The following TMEM167A variants were observed in gnomAD, a reference collection of about 807,000 sequenced individuals.
The protein encoded by TMEM167A is transmembrane protein 167A, also known as protein kish-A.
In TMEM167A, 8 loss-of-function variants were observed where a neutral mutation model predicts 11.6. That is an observed-to-expected ratio of 0.69 (90% CI 0.40 to 1.24). The LOEUF (loss-of-function observed/expected upper bound fraction) is 1.24, where lower values mean the gene tolerates loss of function less well. Ranked by LOEUF, TMEM167A falls within the 50% of genes most tolerant of loss-of-function variation. The pLI is 0.01. For missense variants in TMEM167A, 62 were observed against 87.0 expected, an observed-to-expected ratio of 0.71 and a Z score of 1.14; for synonymous variants, 22 against 28.0, an observed-to-expected ratio of 0.79 and a Z score of 0.67.
rs1744287971 is a variant in TMEM167A, at chr5:83,053,494, A to G, written c.*3590T>C. ...CTGTATTCCTAGTCCAAAATAAGGT[A>G]GGCATGAATATATTCAACCTTCTTT... On this transcript the variant is annotated 3_prime_UTR_variant, in exon 4 of 4. Transcript: ENST00000502346. 6.6e-6 allele frequency: 1 copy of G among 152,036 alleles called. No individual in the cohort carries two copies. The highest frequency in any genetic ancestry group is 1.5e-5 in the Non-Finnish European group (1 of 67,948). 9.4% of individuals were successfully genotyped at this position (152,036 alleles called of 1,614,324 possible).
At chr5:83,074,450 A>G (rs1046074074) in intron 1 of TMEM167A, among the ~76,000 whole-genome samples, 2 of 152,248 alleles carry the variant, frequency 1.3e-5, no homozygotes, top group African/African-American at 4.8e-5. Flanking sequence ...AAGAGGAGAG[A>G]AAATACTTCA....
rs1339847337 is a variant in TMEM167A at position 83,053,130 on chromosome 5, T to C, written c.*3954A>G. Reference sequence around the variant, plus strand: ...TGTACAGCGTTCACAATGCTGGTATTAATCAGCTACATATTTTGAACATCT... The same window carrying C: ...TGTACAGCGTTCACAATGCTGGTATCAATCAGCTACATATTTTGAACATCT... On this transcript the variant is annotated 3_prime_UTR_variant, in exon 4 of 4. Transcript: ENST00000502346. 1 of 152,016 alleles carries C rather than the reference T, an allele frequency of 6.6e-6. No homozygotes were observed. The highest frequency in any genetic ancestry group is 1.9e-4 in the East Asian group (1 of 5,194). The allele number at this position is 152,016 out of a possible 1,614,324, so 9.4% of individuals were successfully genotyped here. A position where few individuals can be genotyped will look rare whatever the true frequency, so the allele number is the denominator to read the frequency against.
At chr5:83,074,894 C>T (rs1744615988) in intron 1 of TMEM167A, among the ~76,000 whole-genome samples, 1 of 152,148 alleles carries the variant, frequency 6.6e-6, no homozygotes, top group Non-Finnish European at 1.5e-5. Context: ...CCTCAGCCTC[C>T]CAAGTAGCTG....
chr5:83,059,426 C>T (rs969601332), intron 3 of TMEM167A, among the ~76,000 whole-genome samples: 1 of 150,078 alleles, frequency 6.7e-6, no homozygotes, highest in African/African-American at 2.5e-5. Context: ...GAGATGAAAA[C>T]GATGCCTCTT....
At chr5:83,065,149 A>G in intron 1 of TMEM167A, 32 bp from the exon 2 acceptor site, 1 of 1,389,392 alleles carries the variant, frequency 7.2e-7, no homozygotes, top group Non-Finnish European at 1.0e-6. Flanking sequence ...AAAAATTAAT[A>G]TCAAGAAAAA....
Position 83,054,978 on chromosome 5 carries a change from G to C in TMEM167A, c.*2106C>G, listed in dbSNP as rs1460069928. The stretch of plus-strand genomic sequence containing the variant: ...ACCACCTACACTGCCCCTTGGGTTA[G>C]AGAACAGGATTCCGTGGTCCTCTTT... On this transcript the variant is annotated 3_prime_UTR_variant, in exon 4 of 4. Transcript: ENST00000502346. The C allele has an allele frequency of 1.3e-5, 2 of 151,952 alleles. No homozygotes were observed. Among genetic ancestry groups the C allele is most frequent in the African/African-American group, 4.8e-5 (2 of 41,400 alleles). The allele number at this position is 151,952 out of a possible 1,614,324, so 9.4% of individuals were successfully genotyped here.
intron 3 of TMEM167A, among the ~76,000 whole-genome samples, chr5:83,059,659 C>G (rs1165359550): frequency 2.0e-5 from 3 of 152,016 alleles, no homozygotes; most frequent in Non-Finnish European, 4.4e-5. Context: ...AAGATTTCTC[C>G]TATTATTTCA....
chr5:83,058,134 C>T (rs968594596), intron 3 of TMEM167A, among the ~76,000 whole-genome samples: 1 of 152,010 alleles, frequency 6.6e-6, no homozygotes, highest in Non-Finnish European at 1.5e-5. Flanking sequence ...AATGAAACTC[C>T]TTATCCCACT....
At chr5:83,072,127 C>A (rs1744571591) in intron 1 of TMEM167A, among the ~76,000 whole-genome samples, 1 of 152,158 alleles carries the variant, frequency 6.6e-6, no homozygotes, top group Non-Finnish European at 1.5e-5. Context: ...ATTTTCATCT[C>A]ATTATCATGG....
At chr5:83,065,289 G>A in intron 1 of TMEM167A, among the ~76,000 whole-genome samples, 172 bp from the exon 2 acceptor site, 1 of 151,968 alleles carries the variant, frequency 6.6e-6, no homozygotes, top group Non-Finnish European at 1.5e-5. Context: ...CAGTCTTCAA[G>A]CTCTGCCAAT....
intron 3 of TMEM167A, among the ~76,000 whole-genome samples, chr5:83,060,537 A>G (rs1303121821): frequency 6.6e-6 from 1 of 151,912 alleles, no homozygotes; most frequent in East Asian, 1.9e-4. Flanking sequence ...ATTATTCAAG[A>G]ATACTGATGA....
intron 1 of TMEM167A, among the ~76,000 whole-genome samples, chr5:83,073,197 T>C (rs748905621): frequency 1.5e-4 from 23 of 152,180 alleles, no homozygotes; most frequent in Non-Finnish European, 2.6e-4. Context: ...TGTTTCTTCA[T>C]ATGAAAAATG....
At chr5:83,064,428 A>C (rs1744451237) in intron 2 of TMEM167A, 2 of 462,510 alleles carry the variant, frequency 4.3e-6, no homozygotes, top group Admixed American at 4.9e-5. Context: ...AAACACTTAA[A>C]TATCTTAGAT....
intron 1 of TMEM167A, among the ~76,000 whole-genome samples, chr5:83,066,302 G>C (rs1409790297): frequency 1.3e-5 from 2 of 152,020 alleles, no homozygotes; most frequent in African/African-American, 2.4e-5. Flanking sequence ...AAAAAAATCA[G>C]GAATGAAACA....
At chr5:83,071,898 T>C (rs140198170) in intron 1 of TMEM167A, among the ~76,000 whole-genome samples, 190 of 152,292 alleles carry the variant, frequency 1.2e-3, no homozygotes, top group African/African-American at 4.4e-3. Flanking sequence ...TGAATCAACA[T>C]CTCACATCTC....
intron 1 of TMEM167A, among the ~76,000 whole-genome samples, chr5:83,073,589 C>T (rs1185812126): frequency 6.6e-6 from 1 of 152,178 alleles, no homozygotes; most frequent in Non-Finnish European, 1.5e-5. Flanking sequence ...TCCCAGTAGC[C>T]TGGAGTATAG....
rs1276134063 is a variant in TMEM167A at position 83,076,239 on chromosome 5, C to T, written c.3+1082G>A. 2.6e-5 allele frequency among the ~76,000 whole-genome samples: 4 copies of T among 152,286 alleles called. No homozygotes were observed. In the East Asian group the frequency reaches 5.8e-4, roughly 22 times the overall value. ...AACTTGATATTTCCATGCTTATAAA[C>T]TGATTTTTTGAAAAGAGCCTGGTAC... is the stretch of plus-strand genomic sequence containing the variant. On this transcript the variant is annotated intron_variant, in intron 1 of 3. Coordinates refer to ENST00000502346, the MANE Select transcript of TMEM167A (RefSeq NM_174909.5).
chr5:83,058,438 T>A (rs1171897750), intron 3 of TMEM167A, among the ~76,000 whole-genome samples: 1 of 151,962 alleles, frequency 6.6e-6, no homozygotes, highest in Non-Finnish European at 1.5e-5. Flanking sequence ...TACAATACCA[T>A]CACCTCAACT....
At chr5:83,066,094 C>T (rs1446597858) in intron 1 of TMEM167A, among the ~76,000 whole-genome samples, 1 of 151,970 alleles carries the variant, frequency 6.6e-6, no homozygotes, top group East Asian at 1.9e-4. Context: ...AATCATATGC[C>T]TGTCTCACAC....
Sources: gnomAD v4.1 joint callset for allele counts (sites outside exome capture counted in the v4.1 genomes callset) on GRCh38, gnomAD v4.1.1 for gene constraint, MANE v1.5 for transcripts, NCBI Gene and HGNC (gene_info 2026-07-23, HGNC 2026-07-21) for gene names.